SLC17A9: variants seen among roughly 807,000 people sequenced by gnomAD.
SLC17A9 encodes the protein solute carrier family 17 member 9.
Under a neutral mutation model 55.0 loss-of-function variants are expected in SLC17A9, and 49 were observed. The ratio of observed to expected loss-of-function variants is 0.89; its 90% confidence interval spans 0.71 to 1.13. The LOEUF (loss-of-function observed/expected upper bound fraction) is 1.13, where lower values mean the gene tolerates loss of function less well. Ranked by LOEUF, SLC17A9 falls within the 50% of genes most tolerant of loss-of-function variation. The pLI, the probability that SLC17A9 is intolerant of heterozygous loss-of-function variation, is 0.00. For synonymous variants in SLC17A9, 256 were observed against 247.4 expected, an observed-to-expected ratio of 1.03 and a Z score of -0.32; for missense variants, 526 against 569.3, an observed-to-expected ratio of 0.92 and a Z score of 0.77.
chr20:62,967,674 G>A lies in SLC17A9; in HGVS notation c.*174G>A. On this transcript the variant is annotated 3_prime_UTR_variant, in exon 13 of 13. Coordinates refer to ENST00000370351, the MANE Select transcript of SLC17A9 (RefSeq NM_022082.4). ...GTCCACAACAGCTGGTGGGAGGGTGGGGTGGGCCTGGGTCCAGACCAGGCT... is the reference window on the plus strand; with the variant it reads ...GTCCACAACAGCTGGTGGGAGGGTGAGGTGGGCCTGGGTCCAGACCAGGCT... The A allele has an allele frequency of 1.8e-6, 1 of 564,756 alleles. No homozygotes were observed. Among genetic ancestry groups the A allele is most frequent in the Non-Finnish European group, 3.0e-6 (1 of 335,918 alleles). 35.0% of individuals were successfully genotyped at this position (564,756 alleles called of 1,614,324 possible). A position where few individuals can be genotyped will look rare whatever the true frequency, so the allele number is the denominator to read the frequency against.
At position 62,952,829 on chromosome 20, in the gene SLC17A9, C is replaced by T. The variant is rs1456471854; in HGVS notation, c.-2C>T. ...CCACGCCGTCTGAGCACCCCAAGCC[C>T]GATGCAGCCACCCCCAGACGAGGCC... On this transcript the variant is annotated 5_prime_UTR_variant, in exon 1 of 13. Coordinates refer to ENST00000370351, the MANE Select transcript of SLC17A9 (RefSeq NM_022082.4). 9 of 1,529,516 alleles carry T rather than the reference C, an allele frequency of 5.9e-6. No individual in the cohort carries two copies. The highest frequency in any genetic ancestry group is 2.0e-5 in the Admixed American group (1 of 50,086). 94.7% of individuals were successfully genotyped at this position (1,529,516 alleles called of 1,614,324 possible). A position where few individuals can be genotyped will look rare whatever the true frequency, so the allele number is the denominator to read the frequency against.
At chr20:62,955,669 G>A (rs746354724) in intron 1 of SLC17A9, among the ~76,000 whole-genome samples, 1 of 152,136 alleles carries the variant, frequency 6.6e-6, no homozygotes, top group Non-Finnish European at 1.5e-5. Context: ...GAAAGTTAAG[G>A]GTGGGGGCCC....
intron 1 of SLC17A9, among the ~76,000 whole-genome samples, chr20:62,955,064 G>A (rs1029735674): frequency 2.6e-5 from 4 of 152,042 alleles, no homozygotes; most frequent in Non-Finnish European, 4.4e-5. Context: ...GGGCTCAAGC[G>A]ATCCTCCTAC....
chr20:62,966,463 A>G, intron 10 of SLC17A9, 62 bp from the exon 11 acceptor site: 1 of 1,568,078 alleles, frequency 6.4e-7, no homozygotes, highest in Non-Finnish European at 8.7e-7. Context: ...CCCCTGTGAC[A>G]ACCCTGGGCC....
At position 62,968,203 on chromosome 20, in the gene SLC17A9, C is replaced by A. The variant is rs2065657288; in HGVS notation, c.*703C>A. ...GTGGGTGGCGGGCTAGAGACCCTTG[C>A]CTGTGTCCGGGACCCTGGCGCCGCT... On this transcript the variant is annotated 3_prime_UTR_variant, in exon 13 of 13. Transcript: ENST00000370351. The A allele has an allele frequency of 6.6e-6, 1 of 152,444 alleles. No individual in the cohort carries two copies. The highest frequency in any genetic ancestry group is 2.1e-4 in the South Asian group (1 of 4,832). 9.4% of individuals were successfully genotyped at this position (152,444 alleles called of 1,614,324 possible).
In SLC17A9 at chr20:62,962,391, C is replaced by A; in HGVS notation, c.498-233C>A. The A allele has an allele frequency of 5.0e-6, 2 of 399,190 alleles. No homozygotes were observed. Among genetic ancestry groups the A allele is most frequent in the Admixed American group, 4.2e-5 (1 of 24,076 alleles). The allele number at this position is 399,190 out of a possible 1,614,324, so 24.7% of individuals were successfully genotyped here. A position where few individuals can be genotyped will look rare whatever the true frequency, so the allele number is the denominator to read the frequency against. On this transcript the variant is annotated intron_variant, in intron 4 of 12. Transcript: ENST00000370351. The surrounding 1 kb of genome is among the most constrained non-coding windows in gnomAD (Gnocchi z 5.5). ...AGCAGCCGCCCGACTGGGACACATG[C>A]GTGGCTGGTCCCAGGTTCGCCCCAG...
rs1260935918 is a variant in SLC17A9, at chr20:62,956,926, G to T, written c.221G>T (p.Cys74Phe). 8 of 1,613,578 alleles carry T rather than the reference G, an allele frequency of 5.0e-6. No individual in the cohort carries two copies. Among genetic ancestry groups the T allele is most frequent in the Non-Finnish European group, 6.8e-6 (8 of 1,180,020 alleles). Reference protein sequence around the residue: ...IVLSSFFWGYCLTQVVGGHLG... With the variant: ...IVLSSFFWGYFLTQVVGGHLG... ...CTCAGCAGCTTCTTCTGGGGCTACT[G>T]CCTGACACAGGTTGTGGGCGGCCAC... Residue 74 changes from cysteine to phenylalanine, a missense_variant, in exon 2 of 13, where the codon TGC becomes TTC. By Grantham distance (205) the Cys-to-Phe change is radical. Transcript: ENST00000370351.
At chr20:62,957,609 G>T in intron 3 of SLC17A9, 29 bp downstream of exon 3, 1 of 1,501,002 alleles carries the variant, frequency 6.7e-7, no homozygotes, top group Non-Finnish European at 8.9e-7. Context: ...GCTCCCTCAC[G>T]CTCTCTGGCA....
At position 62,967,317 on chromosome 20, in the gene SLC17A9, C is replaced by T. The variant is rs2065649493; in HGVS notation, c.1148-20C>T. 1 of 1,613,556 alleles carries T rather than the reference C, an allele frequency of 6.2e-7. No homozygotes were observed. Among genetic ancestry groups the T allele is most frequent in the Non-Finnish European group, 8.5e-7 (1 of 1,179,676 alleles). On this transcript the variant is annotated intron_variant, in intron 12 of 12. Coordinates refer to ENST00000370351, the MANE Select transcript of SLC17A9 (RefSeq NM_022082.4). ...GGGCTGCCCGGGAGCACTCAGCCCG[C>T]CTGGCCCTCTCTTGGGCAGGTGTCG...
chr20:62,957,290 C>T, intron 2 of SLC17A9, 151 bp from the exon 3 acceptor site: 1 of 1,466,954 alleles, frequency 6.8e-7, no homozygotes, highest in Non-Finnish European at 9.0e-7. Context: ...CTGGTCTCCT[C>T]ACGAGGCAGC....
intron 1 of SLC17A9, among the ~76,000 whole-genome samples, chr20:62,956,130 T>G (rs1050225721): frequency 6.6e-6 from 1 of 152,206 alleles, no homozygotes; most frequent in Non-Finnish European, 1.5e-5. Context: ...CCGGCCTCCC[T>G]CACCAGGATT....
intron 9 of SLC17A9, 124 bp from the exon 10 acceptor site, chr20:62,965,486 G>T (rs2147660499): frequency 1.1e-6 from 1 of 896,868 alleles, no homozygotes; most frequent in South Asian, 1.5e-5. Context: ...AGAGAAGTTT[G>T]TGGTCGCAGC....
Position 62,961,399 on chromosome 20 carries a change from C to CG in SLC17A9, c.497+798dup, listed in dbSNP as rs148450505. Among the ~76,000 whole-genome samples the CG allele has an allele frequency of 4.6e-3, 694 of 152,084 alleles. 8 individuals carry two copies. The highest frequency in any genetic ancestry group is 0.016 in the African/African-American group (677 of 41,374). The stretch of plus-strand genomic sequence containing the variant: ...GGGCGGCTTGTCCTCATCCACGATG[C>CG]GGCAACCCCGTGCCCCTCAGTCCTC... On this transcript the variant is annotated intron_variant, in intron 4 of 12. Coordinates refer to ENST00000370351, the MANE Select transcript of SLC17A9 (RefSeq NM_022082.4).
In SLC17A9 at chr20:62,953,319, G is replaced by A. The variant is rs59127565; in HGVS notation, c.59+430G>A. On this transcript the variant is annotated intron_variant, in intron 1 of 12. Transcript: ENST00000370351. ...CTGCAGCTGGACGGGGTTGGGGGGG[G>A]TCCTGCCACCACGTGCCAGCTGTGT... 12 of 1,533,060 alleles carry A rather than the reference G, an allele frequency of 7.8e-6. No individual in the cohort carries two copies. In the East Asian group the frequency reaches 2.0e-4, roughly 25 times the overall value. The allele number at this position is 1,533,060 out of a possible 1,614,324, so 95.0% of individuals were successfully genotyped here.
intron 1 of SLC17A9, among the ~76,000 whole-genome samples, chr20:62,955,790 G>A (rs1057073249): frequency 3.9e-5 from 6 of 152,236 alleles, no homozygotes; most frequent in African/African-American, 1.2e-4. Flanking sequence ...AGGACAGGGC[G>A]TGGAGGCCAG....
chr20:62,959,834 C>G (rs1188507529), intron 3 of SLC17A9, among the ~76,000 whole-genome samples: 1 of 152,232 alleles, frequency 6.6e-6, no homozygotes, highest in Non-Finnish European at 1.5e-5. Flanking sequence ...CTGTTGTCAC[C>G]GTGGCTCCGC....
Position 62,953,317 on chromosome 20 carries a change from G to T in SLC17A9, c.59+428G>T, listed in dbSNP as rs560269701. ...GCCTGCAGCTGGACGGGGTTGGGGG[G>T]GGTCCTGCCACCACGTGCCAGCTGT... On this transcript the variant is annotated intron_variant, in intron 1 of 12. Coordinates refer to ENST00000370351, the MANE Select transcript of SLC17A9 (RefSeq NM_022082.4). 2.7e-5 allele frequency: 42 copies of T among 1,535,650 alleles called. No individual in the cohort carries two copies. In the East Asian group the frequency reaches 5.9e-4, roughly 22 times the overall value.
At chr20:62,966,601 C>T in intron 11 of SLC17A9, 21 bp downstream of exon 11, 2 of 1,613,866 alleles carry the variant, frequency 1.2e-6, no homozygotes, top group East Asian at 4.5e-5. Flanking sequence ...TGCCTTACCC[C>T]AGCTTTGCCC....
chr20:62,966,634 G>A, intron 11 of SLC17A9, 54 bp downstream of exon 11: 1 of 1,613,578 alleles, frequency 6.2e-7, no homozygotes, highest in Non-Finnish European at 8.5e-7. Flanking sequence ...CCGGGTGGGT[G>A]AGCCATGGGG....
Sources: gnomAD v4.1 joint callset for allele counts (sites outside exome capture counted in the v4.1 genomes callset) on GRCh38, gnomAD v4.1.1 for gene constraint, Gnocchi (gnomAD v3.1) non-coding constraint, MANE v1.5 for transcripts, NCBI Gene and HGNC (gene_info 2026-07-23, HGNC 2026-07-21) for gene names.